Variants in PBRM1 observed in about 807,000 individuals in gnomAD.
The protein encoded by PBRM1 is protein polybromo-1.
PBRM1 carries 27 observed loss-of-function variants against 194.5 expected under a neutral mutation model. That is an observed-to-expected ratio of 0.14 (90% CI 0.10 to 0.19). The LOEUF is 0.19. Among genes scored for constraint, PBRM1 ranks in the 10% least tolerant of loss-of-function variants. PBRM1 has a pLI of 1.00. For missense variants in PBRM1, 1,466 were observed against 2,077.2 expected (o/e 0.71, Z 5.72); for synonymous variants, 655 against 693.2 (o/e 0.94, Z 0.87).
intron 10 of PBRM1, among the ~76,000 whole-genome samples, chr3:52,638,985 T>TGGGG (rs1560631347): frequency 1.7e-4 from 8 of 47,796 alleles, no homozygotes; most frequent in African/African-American, 6.3e-4. Context: ...ACATTTTTTT[T>TGGGG]TGGGGGGGGG....
At chr3:52,668,783 TAAAAA>T in intron 2 of PBRM1, 138 bp from the exon 4 acceptor site, 1 of 208,176 alleles carries the variant, frequency 4.8e-6, no homozygotes, top group Non-Finnish European at 8.8e-6. Context: ...GAAGCTTACT[TAAAAA>T]AAAAAAAAAA....
intron 22 of PBRM1, among the ~76,000 whole-genome samples, 173 bp from the exon 25 acceptor site, chr3:52,564,406 T>C (rs1030398448): frequency 6.6e-6 from 1 of 152,110 alleles, no homozygotes; most frequent in Non-Finnish European, 1.5e-5. Flanking sequence ...TTTGAGAGGC[T>C]GAAGTGGGCA....
At chr3:52,614,373 CA>C (rs1165930996) in intron 15 of PBRM1, among the ~76,000 whole-genome samples, 3,155 of 40,866 alleles carry the variant, frequency 0.077, 32 homozygotes, top group African/African-American at 0.27. Context: ...GATGCTTCAT[CA>C]AAAAAAAAAA....
chr3:52,581,874 G>C (rs1274864104), intron 20 of PBRM1, among the ~76,000 whole-genome samples: 1 of 152,120 alleles, frequency 6.6e-6, no homozygotes. Context: ...CTGACCTTGT[G>C]ATCTGCCCGC....
chr3:52,626,257 A>C (rs2095443295), intron 13 of PBRM1, among the ~76,000 whole-genome samples: 1 of 152,238 alleles, frequency 6.6e-6, no homozygotes, highest in Non-Finnish European at 1.5e-5. Context: ...TTCATAGGCC[A>C]GTAATGGAGG....
At chr3:52,668,778 T>G in intron 2 of PBRM1, 133 bp from the exon 4 acceptor site, 1 of 312,720 alleles carries the variant, frequency 3.2e-6, no homozygotes, top group Non-Finnish European at 5.3e-6. Context: ...ACTTTGAAGC[T>G]TACTTAAAAA....
chr3:52,560,366 T>A (rs895962293), intron 25 of PBRM1, among the ~76,000 whole-genome samples: 5 of 152,200 alleles, frequency 3.3e-5, no homozygotes, highest in African/African-American at 1.2e-4. Context: ...TAACTTTCAA[T>A]AAGGTCAGAA....
intron 15 of PBRM1, among the ~76,000 whole-genome samples, chr3:52,613,894 T>A (rs566064385): frequency 6.6e-5 from 10 of 152,118 alleles, no homozygotes; most frequent in Non-Finnish European, 1.2e-4. Context: ...AAAAGCCCCT[T>A]TTTCCTGAAC....
At chr3:52,600,116 T>C (rs990919729) in intron 17 of PBRM1, among the ~76,000 whole-genome samples, 11 of 152,178 alleles carry the variant, frequency 7.2e-5, no homozygotes, top group African/African-American at 2.4e-4. Context: ...GTCAGGGTAT[T>C]TGGGGTAACC....
chr3:52,622,273 G>C (rs2095306461), intron 13 of PBRM1, among the ~76,000 whole-genome samples: 1 of 152,038 alleles, frequency 6.6e-6, no homozygotes. Flanking sequence ...AGGAGGCGGA[G>C]GTTGCAGTGA....
At chr3:52,554,012 C>G (rs2153423310) in intron 27 of PBRM1, among the ~76,000 whole-genome samples, 1 of 152,262 alleles carries the variant, frequency 6.6e-6, no homozygotes, top group East Asian at 1.9e-4. Flanking sequence ...GTTGCCCAGG[C>G]TGGTCTTGAA....
chr3:52,644,278 T>C (rs2096221012), intron 8 of PBRM1, among the ~76,000 whole-genome samples: 1 of 152,166 alleles, frequency 6.6e-6, no homozygotes, highest in African/African-American at 2.4e-5. Context: ...TTCAGAATTA[T>C]AATATCAACT....
At chr3:52,632,920 C>T (rs916271963) in intron 11 of PBRM1, among the ~76,000 whole-genome samples, 8 of 152,118 alleles carry the variant, frequency 5.3e-5, no homozygotes, top group African/African-American at 1.9e-4. Context: ...TCTCAAACTC[C>T]TGACCTCAAG....
chr3:52,628,457 A>T (rs1189369846), intron 12 of PBRM1, among the ~76,000 whole-genome samples: 1 of 136,600 alleles, frequency 7.3e-6, no homozygotes. Context: ...TACATATTTT[A>T]TATATATATT....
intron 18 of PBRM1, among the ~76,000 whole-genome samples, chr3:52,588,844 C>A (rs981813644): frequency 6.6e-6 from 1 of 152,184 alleles, no homozygotes; most frequent in Admixed American, 6.5e-5. Flanking sequence ...GCGTGAGCCA[C>A]CGCGCCCGAC....
intron 17 of PBRM1, among the ~76,000 whole-genome samples, chr3:52,595,327 C>A (rs190951983): frequency 6.6e-6 from 1 of 152,260 alleles, no homozygotes; most frequent in Admixed American, 6.5e-5. Context: ...GACTCCTGGA[C>A]TGTGTGCCCC....
At chr3:52,626,566 A>G in intron 13 of PBRM1, among the ~76,000 whole-genome samples, 1 of 152,160 alleles carries the variant, frequency 6.6e-6, no homozygotes, top group East Asian at 1.9e-4. Flanking sequence ...TGATTAAAGG[A>G]CAATACAGTG....
intron 22 of PBRM1, among the ~76,000 whole-genome samples, chr3:52,568,168 A>T (rs944539945): frequency 1.4e-5 from 2 of 147,628 alleles, no homozygotes; most frequent in African/African-American, 5.0e-5. Context: ...TAGTACAGAC[A>T]GGGTTTCACC....
chr3:52,631,349 A>G (rs1407104028), intron 11 of PBRM1, among the ~76,000 whole-genome samples: 1 of 152,178 alleles, frequency 6.6e-6, no homozygotes, highest in Non-Finnish European at 1.5e-5. Context: ...TGGTGAAAAC[A>G]AAAGTTACAA....
Sources: allele counts gnomAD v4.1 joint callset (sites outside exome capture counted in the v4.1 genomes callset), GRCh38; gene constraint gnomAD v4.1.1; transcripts MANE v1.5; gene names NCBI Gene and HGNC (gene_info 2026-07-23, HGNC 2026-07-21).